Variants in CASP8 observed in about 807,000 individuals in gnomAD.
The protein encoded by CASP8 is caspase-8.
CASP8 carries 24 observed loss-of-function variants against 46.3 expected under a neutral mutation model. The observed-to-expected ratio is 0.52, with a 90% CI of 0.38 to 0.73. The LOEUF is 0.73. CASP8 is among the 30% of genes least tolerant of loss of function. The probability of loss-of-function intolerance (pLI) is 0.00; values close to 1 mark genes in which losing one functional copy is unlikely to be tolerated. For missense variants in CASP8, 460 were observed against 559.0 expected (o/e 0.82, Z 1.79); for synonymous variants, 188 against 200.4 (o/e 0.94, Z 0.52).
rs1949574962 is a variant in CASP8 at position 201,286,647 on chromosome 2, G to A, written c.*53G>A. On this transcript the variant is annotated 3_prime_UTR_variant, in exon 9 of 9. Transcript: ENST00000673742. ...TTTTGTTTTTTTGAGACAGAATCTC[G>A]CTCTGTCGCCCAGGCTGGAGTGCAG... The A allele has an allele frequency of 1.2e-5, 18 of 1,504,910 alleles. No individual in the cohort carries two copies. Among genetic ancestry groups the A allele is most frequent in the Non-Finnish European group, 1.4e-5 (15 of 1,093,964 alleles). The allele number at this position is 1,504,910 out of a possible 1,614,324, so 93.2% of individuals were successfully genotyped here.
Position 201,272,896 on chromosome 2 carries a change from A to C in CASP8, c.551-2A>C. 6.2e-7 allele frequency: 1 copy of C among 1,614,142 alleles called. No individual in the cohort carries two copies. The highest frequency in any genetic ancestry group is 8.5e-7 in the Non-Finnish European group (1 of 1,179,962). On this transcript the variant is annotated splice_acceptor_variant, in intron 4 of 8. Transcript: ENST00000673742. LOFTEE classifies it high-confidence loss of function. This position sits in a 1 kb window ranked among gnomAD's most constrained non-coding sequence, Gnocchi z 4.4. ...TGTTTGGGGTTTCCCCTTTTAATTC[A>C]GAGAGAAGCAGCAGCCTTGAAGGAA...
chr2:201,236,644 G>A (rs1246584144), intron 2 of CASP8, among the ~76,000 whole-genome samples: 1 of 152,074 alleles, frequency 6.6e-6, no homozygotes, highest in African/African-American at 2.4e-5. Flanking sequence ...GAGTGCAGTG[G>A]TGTGACCTCG....
At chr2:201,281,417 G>A (rs560680328) in intron 7 of CASP8, among the ~76,000 whole-genome samples, 4 of 152,256 alleles carry the variant, frequency 2.6e-5, no homozygotes, top group Admixed American at 6.5e-5. Flanking sequence ...AACTCAATGC[G>A]AAAGTCTAAA....
At chr2:201,235,730 A>G (rs1946019773) in intron 2 of CASP8, among the ~76,000 whole-genome samples, 1 of 152,244 alleles carries the variant, frequency 6.6e-6, no homozygotes, top group Non-Finnish European at 1.5e-5. Context: ...TATGACAGTC[A>G]TATAGACACA....
intron 2 of CASP8, among the ~76,000 whole-genome samples, chr2:201,271,249 A>T (rs925876216): frequency 6.5e-4 from 99 of 152,230 alleles, no homozygotes; most frequent in African/African-American, 2.1e-3. Context: ...AAAAAAAAAA[A>T]GGAAAACAAG....
At chr2:201,247,972 GTC>G in intron 2 of CASP8, among the ~76,000 whole-genome samples, 1 of 151,882 alleles carries the variant, frequency 6.6e-6, no homozygotes, top group Non-Finnish European at 1.5e-5. Flanking sequence ...AGAGATGGGG[GTC>G]TCACTATGTT....
intron 5 of CASP8, among the ~76,000 whole-genome samples, chr2:201,273,256 A>G (rs1948408606): frequency 6.6e-6 from 1 of 151,948 alleles, no homozygotes; most frequent in African/African-American, 2.4e-5. Flanking sequence ...ATGGGGTTTT[A>G]CTATATTGGC....
upstream of CASP8, among the ~76,000 whole-genome samples, chr2:201,255,863 T>A (rs947712166): frequency 6.6e-6 from 1 of 152,256 alleles, no homozygotes; most frequent in South Asian, 2.1e-4. Context: ...CCAGTTATCC[T>A]CTCACCTCAG....
At chr2:201,244,547 C>A (rs1946430281) in intron 2 of CASP8, among the ~76,000 whole-genome samples, 1 of 152,102 alleles carries the variant, frequency 6.6e-6, no homozygotes, top group South Asian at 2.1e-4. Flanking sequence ...GTAATCTGGC[C>A]TGGATCCTCT....
At chr2:201,255,492 C>A (rs1261511027) in intron 2 of CASP8, among the ~76,000 whole-genome samples, 2 of 152,294 alleles carry the variant, frequency 1.3e-5, no homozygotes, top group East Asian at 3.9e-4. Context: ...CCTGCTCCCC[C>A]CATTCTCAGT....
rs2125250218 is a variant in CASP8 at position 201,272,539 on chromosome 2, G to C, written c.412-99G>C. 7.4e-7 allele frequency: 1 copy of C among 1,358,508 alleles called. No individual in the cohort carries two copies. The highest frequency in any genetic ancestry group is 1.4e-5 in the African/African-American group (1 of 69,462). The allele number at this position is 1,358,508 out of a possible 1,614,324, so 84.2% of individuals were successfully genotyped here. A position where few individuals can be genotyped will look rare whatever the true frequency, so the allele number is the denominator to read the frequency against. ...GTCAGAAACTTGGGAAGCAAGGGCA[G>C]GTCCTTGGTTGGAGAAATTGGAAAT... is the stretch of plus-strand genomic sequence containing the variant. On this transcript the variant is annotated intron_variant, in intron 3 of 8. Coordinates refer to ENST00000673742, the MANE Select transcript of CASP8 (RefSeq NM_001372051.1). This position sits in a 1 kb window ranked among gnomAD's most constrained non-coding sequence, Gnocchi z 4.4.
At chr2:201,277,531 C>T (rs1007055000) in intron 7 of CASP8, among the ~76,000 whole-genome samples, 1 of 152,154 alleles carries the variant, frequency 6.6e-6, no homozygotes, top group Non-Finnish European at 1.5e-5. Flanking sequence ...AAATAAAAAT[C>T]ATCCATCACC....
chr2:201,237,318 T>TGA (rs1339441718), intron 2 of CASP8, among the ~76,000 whole-genome samples: 3 of 151,510 alleles, frequency 2.0e-5, no homozygotes, highest in Non-Finnish European at 4.4e-5. Flanking sequence ...CTCAAACTTT[T>TGA]GACCTCAAGT....
At chr2:201,235,758 G>A (rs1946021014) in intron 2 of CASP8, among the ~76,000 whole-genome samples, 2 of 152,144 alleles carry the variant, frequency 1.3e-5, no homozygotes, top group Admixed American at 6.5e-5. Context: ...ATATATTCAT[G>A]TGCCATTTCA....
At chr2:201,264,159 G>A (rs1203835831) in intron 1 of CASP8, among the ~76,000 whole-genome samples, 1 of 152,136 alleles carries the variant, frequency 6.6e-6, no homozygotes, top group Non-Finnish European at 1.5e-5. Context: ...AGAGTTCCCT[G>A]GAATATGATT....
Position 201,272,578 on chromosome 2 carries a change from C to A in CASP8, c.412-60C>A, listed in dbSNP as rs1576329299. ...GAAATTGGAAATTAAAAAAAAAAAT[C>A]TAATCTAAAAACCAGTAGGGCTCAA... is the stretch of plus-strand genomic sequence containing the variant. On this transcript the variant is annotated intron_variant, in intron 3 of 8. Transcript: ENST00000673742. The surrounding 1 kb of genome is among the most constrained non-coding windows in gnomAD (Gnocchi z 4.4). 6.3e-7 allele frequency: 1 copy of A among 1,579,818 alleles called. No homozygotes were observed. Among genetic ancestry groups the A allele is most frequent in the East Asian group, 2.2e-5 (1 of 44,672 alleles).
chr2:201,274,887 AG>A lies in CASP8; in HGVS notation c.598del. ...CTAGATGTGTCTCTTCGTTGTTTGC[AG>A]GGGAGGAGTTGTGTGGGGTAATGAC... is the stretch of plus-strand genomic sequence containing the variant. On this transcript the variant is annotated splice_acceptor_variant, in intron 5 of 8. Transcript: ENST00000673742. LOFTEE classifies it high-confidence loss of function. 6.2e-7 allele frequency: 1 copy of A among 1,611,092 alleles called. No homozygotes were observed. The highest frequency in any genetic ancestry group is 8.5e-7 in the Non-Finnish European group (1 of 1,177,310).
At chr2:201,264,232 G>A (rs550192792) in intron 1 of CASP8, among the ~76,000 whole-genome samples, 1 of 152,264 alleles carries the variant, frequency 6.6e-6, no homozygotes, top group East Asian at 1.9e-4. Flanking sequence ...GTTATTTCAA[G>A]GAATGCTACC....
rs145852108 is a variant in CASP8 at position 201,276,221 on chromosome 2, A to G, written c.661-606A>G. ...TATCAGGTACTACAGTTTGGATACCATAACCTACAGTGTAGCCAGGACCTC... is the reference window on the plus strand; with the variant it reads ...TATCAGGTACTACAGTTTGGATACCGTAACCTACAGTGTAGCCAGGACCTC... On this transcript the variant is annotated intron_variant, in intron 6 of 8. Transcript: ENST00000673742. 1.1e-3 allele frequency among the ~76,000 whole-genome samples: 167 copies of G among 152,326 alleles called. 1 individual carries two copies. The highest frequency in any genetic ancestry group is 3.8e-3 in the African/African-American group (156 of 41,582).
Sources: gnomAD v4.1 joint callset for allele counts (sites outside exome capture counted in the v4.1 genomes callset) on GRCh38, gnomAD v4.1.1 for gene constraint, Gnocchi (gnomAD v3.1) non-coding constraint, MANE v1.5 for transcripts, NCBI Gene and HGNC (gene_info 2026-07-23, HGNC 2026-07-21) for gene names.